Variants in TRHDE observed in about 807,000 individuals in gnomAD.
The protein encoded by TRHDE is thyrotropin-releasing hormone-degrading ectoenzyme.
Under a neutral mutation model 125.7 loss-of-function variants are expected in TRHDE, and 72 were observed. The ratio of observed to expected loss-of-function variants is 0.57; its 90% CI spans 0.47 to 0.70. The LOEUF is 0.70. Ranked by LOEUF, TRHDE falls within the 30% of genes least tolerant of loss-of-function variation. The pLI, the probability that TRHDE is intolerant of heterozygous loss-of-function variation, is 0.00. For synonymous variants in TRHDE, 509 were observed against 509.1 expected (o/e 1.00, Z 0.00); for missense variants, 1,110 against 1,327.1 (o/e 0.84, Z 2.54).
chr12:72,522,811 C>T (rs1868270956), intron 6 of TRHDE, among the ~76,000 whole-genome samples: 1 of 152,088 alleles, frequency 6.6e-6, no homozygotes, highest in Non-Finnish European at 1.5e-5. Context: ...TAGGAACATG[C>T]AGAGCATGCC....
intron 1 of TRHDE, among the ~76,000 whole-genome samples, chr12:72,099,978 A>G (rs1373665562): frequency 6.6e-6 from 1 of 152,190 alleles, no homozygotes; most frequent in Admixed American, 6.5e-5. Context: ...GTAGGTAGTA[A>G]AGATATGAAT....
chr12:72,405,990 A>G (rs555292581), intron 3 of TRHDE, among the ~76,000 whole-genome samples: 1 of 152,188 alleles, frequency 6.6e-6, no homozygotes, highest in Non-Finnish European at 1.5e-5. Context: ...TTAAAGGCTC[A>G]CTAGCTCGTA....
chr12:72,645,278 G>C (rs750410969), intron 15 of TRHDE, among the ~76,000 whole-genome samples: 1 of 152,092 alleles, frequency 6.6e-6, no homozygotes, highest in Non-Finnish European at 1.5e-5. Flanking sequence ...ACATTTAAAA[G>C]TACTAAACAG....
rs1448816487 is a variant in TRHDE, at chr12:72,398,801, T to C, written c.1315+20680T>C. Among the ~76,000 whole-genome samples the C allele has an allele frequency of 6.6e-5, 10 of 152,238 alleles. No homozygotes were observed. In the East Asian group the frequency reaches 1.9e-3, roughly 29 times the overall value. On this transcript the variant is annotated intron_variant, in intron 3 of 18. Coordinates refer to ENST00000261180, the MANE Select transcript of TRHDE (RefSeq NM_013381.3). ...GGGATTGGTAGGGCATCCCTCACTC[T>C]ACCCATCTTCCAGAGGTGCAGATTA...
rs180925865 is a variant in TRHDE, at chr12:72,108,294, T to C, written n.279+2542T>C. Among the ~76,000 whole-genome samples, 441 of 152,204 alleles carry C rather than the reference T, an allele frequency of 2.9e-3. 4 individuals are homozygous for C. The highest frequency in any genetic ancestry group is 0.01 in the African/African-American group (429 of 41,550). On this transcript the variant is annotated intron_variant and non_coding_transcript_variant, in intron 2 of 4. Transcript: ENST00000548156. ...GTAGATAGGCTGAATTTTGTTGTTG[T>C]GGTGAATACTGAAACTATCAGAAGA...
intron 5 of TRHDE, among the ~76,000 whole-genome samples, chr12:72,481,348 G>A (rs1877163608): frequency 6.9e-6 from 1 of 144,192 alleles, no homozygotes. Flanking sequence ...CAGAAAAATA[G>A]AAAAGAGCCT....
At chr12:72,101,601 A>G (rs749486184) in intron 1 of TRHDE, among the ~76,000 whole-genome samples, 2 of 152,222 alleles carry the variant, frequency 1.3e-5, no homozygotes, top group Admixed American at 1.3e-4. Context: ...ATCTGTAAAT[A>G]CAATATAGAT....
At chr12:72,563,069 A>G (rs905045854) in intron 9 of TRHDE, 29 bp downstream of exon 9, 2 of 1,461,576 alleles carry the variant, frequency 1.4e-6, no homozygotes, top group Non-Finnish European at 1.9e-6. Flanking sequence ...CGTGAAAAAT[A>G]TTGTTTTTAT....
intron 2 of TRHDE, among the ~76,000 whole-genome samples, chr12:72,110,044 T>A (rs1875280511): frequency 2.0e-5 from 3 of 152,100 alleles, no homozygotes; most frequent in Admixed American, 2.0e-4. Flanking sequence ...GGGAAAGCCA[T>A]CACATCACGT....
At chr12:72,582,517 C>T (rs1430129919) in intron 12 of TRHDE, 1 of 985,228 alleles carries the variant, frequency 1.0e-6, no homozygotes, top group Non-Finnish European at 1.2e-6. Context: ...TAAGGTTTCT[C>T]TTGCAAAACA....
chr12:72,486,332 A>C (rs188193504), intron 5 of TRHDE, among the ~76,000 whole-genome samples: 8 of 152,288 alleles, frequency 5.3e-5, no homozygotes, highest in Non-Finnish European at 7.4e-5. Context: ...CTGTCTTCAC[A>C]GTTTCTCTGA....
intron 18 of TRHDE, among the ~76,000 whole-genome samples, chr12:72,660,588 C>T (rs574700526): frequency 6.6e-6 from 1 of 152,146 alleles, no homozygotes; most frequent in Non-Finnish European, 1.5e-5. Context: ...ACCCTATACT[C>T]GCCGGTTATT....
At chr12:72,619,485 A>G (rs1253043147) in intron 13 of TRHDE, among the ~76,000 whole-genome samples, 1 of 152,194 alleles carries the variant, frequency 6.6e-6, no homozygotes, top group Admixed American at 6.5e-5. Context: ...TAAGATCAAC[A>G]TTGAGGCAAA....
chr12:72,094,670 A>G (rs1294933047), intron 1 of TRHDE, among the ~76,000 whole-genome samples: 1 of 152,250 alleles, frequency 6.6e-6, no homozygotes, highest in Admixed American at 6.5e-5. Flanking sequence ...CATGCAAAAC[A>G]TTAGTAGGCA....
intron 2 of TRHDE, among the ~76,000 whole-genome samples, chr12:72,209,315 A>G (rs1877729995): frequency 6.6e-6 from 1 of 152,218 alleles, no homozygotes; most frequent in Admixed American, 6.5e-5. Context: ...TCCCGTCCAG[A>G]TGGTGACATG....
chr12:72,226,834 G>A (rs955488406), intron 2 of TRHDE, among the ~76,000 whole-genome samples: 6 of 152,126 alleles, frequency 3.9e-5, no homozygotes, highest in African/African-American at 1.2e-4. Flanking sequence ...TTTTTGTTAC[G>A]ATTCTATCAG....
chr12:72,090,881 G>A (rs931830245), intron 1 of TRHDE, among the ~76,000 whole-genome samples: 2 of 151,040 alleles, frequency 1.3e-5, no homozygotes, highest in African/African-American at 4.9e-5. Flanking sequence ...TTAAGGGACA[G>A]TCTTACTCTG....
chr12:72,436,605 G>T (rs1874757408), intron 3 of TRHDE, among the ~76,000 whole-genome samples: 2 of 151,820 alleles, frequency 1.3e-5, no homozygotes, highest in African/African-American at 4.8e-5. Flanking sequence ...GATAAGACAT[G>T]GCCTGGGAAT....
At chr12:72,302,359 G>C (rs1449606436) in intron 2 of TRHDE, among the ~76,000 whole-genome samples, 1 of 151,942 alleles carries the variant, frequency 6.6e-6, no homozygotes, top group Non-Finnish European at 1.5e-5. Flanking sequence ...CAACTTGAAA[G>C]ATGGAAAAGA....
Sources: allele counts gnomAD v4.1 joint callset (sites outside exome capture counted in the v4.1 genomes callset), GRCh38; gene constraint gnomAD v4.1.1; transcripts MANE v1.5; gene names NCBI Gene and HGNC (gene_info 2026-07-23, HGNC 2026-07-21).